The following CD96 variants were observed in gnomAD, a reference collection of about 807,000 sequenced individuals.
CD96 encodes CD96 molecule.
Under a neutral mutation model 71.3 loss-of-function variants are expected in CD96, and 70 were observed. The ratio of observed to expected loss-of-function variants is 0.98; its 90% confidence interval spans 0.81 to 1.20. CD96 has a LOEUF of 1.20. Ranked by LOEUF, CD96 falls within the 50% of genes most tolerant of loss-of-function variation. The pLI is 0.00. For missense variants in CD96, 742 were observed against 677.5 expected (o/e 1.10, Z -1.06); for synonymous variants, 248 against 233.0 (o/e 1.06, Z -0.59).
intron 3 of CD96, among the ~76,000 whole-genome samples, chr3:111,571,890 A>G (rs1025351614): frequency 6.6e-6 from 1 of 152,150 alleles, no homozygotes. Flanking sequence ...ATGAGAACAA[A>G]CTTCCTAAAT....
At chr3:111,592,307 C>T (rs1364040806) in intron 5 of CD96, among the ~76,000 whole-genome samples, 1 of 152,140 alleles carries the variant, frequency 6.6e-6, no homozygotes, top group Non-Finnish European at 1.5e-5. Context: ...GTTAGGATCT[C>T]TTTTTTCAAA....
chr3:111,595,011 G>A (rs1937188787), intron 5 of CD96: 1 of 166,996 alleles, frequency 6.0e-6, no homozygotes, highest in Non-Finnish European at 1.5e-5. Context: ...ACACAGCGTT[G>A]CCTGGCTGTC....
At chr3:111,643,235 A>T (rs1258027199) in intron 12 of CD96, among the ~76,000 whole-genome samples, 1 of 152,202 alleles carries the variant, frequency 6.6e-6, no homozygotes, top group African/African-American at 2.4e-5. Flanking sequence ...CAAAAATCAC[A>T]TGATCATCTC....
intron 4 of CD96, among the ~76,000 whole-genome samples, chr3:111,579,978 G>T (rs1045991451): frequency 2.7e-4 from 41 of 152,168 alleles, no homozygotes; most frequent in African/African-American, 9.7e-4. Context: ...AATTGTAACT[G>T]CCAAAATCTA....
intron 13 of CD96, 66 bp from the exon 14 acceptor site, chr3:111,649,632 C>T: frequency 1.1e-6 from 1 of 907,046 alleles, no homozygotes; most frequent in South Asian, 1.3e-5. Flanking sequence ...CAACACATGT[C>T]TGTGTGTGTG....
At chr3:111,607,096 CAT>C (rs1937656339) in intron 8 of CD96, 1 of 388,404 alleles carries the variant, frequency 2.6e-6, no homozygotes, top group Non-Finnish European at 4.8e-6. Context: ...GTATCATTCT[CAT>C]GGCTTCAAAG....
intron 2 of CD96, among the ~76,000 whole-genome samples, chr3:111,560,172 T>C (rs915174282): frequency 6.6e-6 from 1 of 151,708 alleles, no homozygotes; most frequent in Admixed American, 6.6e-5. Flanking sequence ...AATTTGCCAG[T>C]CTGTGTCTTT....
intron 5 of CD96, chr3:111,594,055 G>T: frequency 2.5e-6 from 4 of 1,614,180 alleles, no homozygotes; most frequent in Non-Finnish European, 3.4e-6. Context: ...GGGTGCCCTT[G>T]TTGTGGGGCA....
rs149909568 is a variant in CD96, at chr3:111,642,561, C to T, written c.1477+4393C>T. Among the ~76,000 whole-genome samples the T allele has an allele frequency of 6.6e-5, 10 of 152,286 alleles. No individual in the cohort carries two copies. In the East Asian group the frequency reaches 1.7e-3, roughly 26 times the overall value. ...CAGTGGCTCATGCCTGTAATCCCAGCACTTTGGGAGGCTGAAGCCAGTGGA... is the reference window on the plus strand; with the variant it reads ...CAGTGGCTCATGCCTGTAATCCCAGTACTTTGGGAGGCTGAAGCCAGTGGA... On this transcript the variant is annotated intron_variant, in intron 12 of 13. Coordinates refer to ENST00000352690, the MANE Select transcript of CD96 (RefSeq NM_005816.5).
At chr3:111,543,564 A>G (rs1934219886) in intron 1 of CD96, among the ~76,000 whole-genome samples, 1 of 152,222 alleles carries the variant, frequency 6.6e-6, no homozygotes, top group Non-Finnish European at 1.5e-5. Context: ...AGGAAAATAA[A>G]ATAAAATAAG....
Position 111,545,116 on chromosome 3 carries a change from C to A in CD96, c.132C>A (p.Thr44=). The A allele has an allele frequency of 6.2e-7, 1 of 1,614,174 alleles. No individual in the cohort carries two copies. Among genetic ancestry groups the A allele is most frequent in the Non-Finnish European group, 8.5e-7 (1 of 1,180,028 alleles). ...CACTTGGCTCTGATGTCAACCTGAC[C>A]TGCCAAACACAGACAGTAGGCTTCT... ...YATLGSDVNL[T]CQTQTVGFFV... is the part of the protein sequence containing the mutation. Residue 44 remains threonine (T), a synonymous_variant, in exon 2 of 14, where the codon ACC becomes ACA. Transcript: ENST00000352690.
intron 10 of CD96, among the ~76,000 whole-genome samples, chr3:111,625,502 T>C (rs900724125): frequency 2.6e-5 from 4 of 152,106 alleles, no homozygotes; most frequent in African/African-American, 7.2e-5. Context: ...CTATCAAAGA[T>C]GGTGTGGCAG....
At chr3:111,601,364 T>A (rs1937489884) in intron 7 of CD96, among the ~76,000 whole-genome samples, 1 of 152,170 alleles carries the variant, frequency 6.6e-6, no homozygotes, top group South Asian at 2.1e-4. Context: ...ACAATAAAAA[T>A]ACCATAAAAA....
chr3:111,647,442 T>C, intron 12 of CD96, 101 bp from the exon 13 acceptor site: 1 of 1,039,412 alleles, frequency 9.6e-7, no homozygotes, highest in African/African-American at 1.6e-5. Flanking sequence ...TCACAGCCAA[T>C]GTTGAAGAAA....
intron 3 of CD96, among the ~76,000 whole-genome samples, chr3:111,576,834 G>A (rs117071336): frequency 1.3e-5 from 2 of 152,074 alleles, no homozygotes; most frequent in African/African-American, 2.4e-5. Context: ...TAGGCATTTC[G>A]TTGTTTGCCT....
At chr3:111,596,637 T>A (rs957932324) in intron 5 of CD96, among the ~76,000 whole-genome samples, 1 of 152,200 alleles carries the variant, frequency 6.6e-6, no homozygotes, top group African/African-American at 2.4e-5. Context: ...TTTTCTTTTT[T>A]TAAAAAAACA....
At chr3:111,596,684 A>G (rs1340653515) in intron 5 of CD96, among the ~76,000 whole-genome samples, 1 of 152,228 alleles carries the variant, frequency 6.6e-6, no homozygotes, top group African/African-American at 2.4e-5. Context: ...TTCCTGGACC[A>G]ACTGGAGATA....
At chr3:111,621,686 C>T (rs1938525346) in intron 8 of CD96, among the ~76,000 whole-genome samples, 1 of 152,176 alleles carries the variant, frequency 6.6e-6, no homozygotes, top group Non-Finnish European at 1.5e-5. Context: ...AGCACAGCCG[C>T]TCTTAATGCA....
chr3:111,549,676 T>C (rs2107476178), intron 2 of CD96, among the ~76,000 whole-genome samples: 1 of 152,208 alleles, frequency 6.6e-6, no homozygotes, highest in Middle Eastern at 3.4e-3. Flanking sequence ...GGATCAGTGG[T>C]GGATTGCCTA....
Sources: allele counts gnomAD v4.1 joint callset (sites outside exome capture counted in the v4.1 genomes callset), GRCh38; gene constraint gnomAD v4.1.1; transcripts MANE v1.5; gene names NCBI Gene and HGNC (gene_info 2026-07-23, HGNC 2026-07-21).